The following ATRNL1 variants were observed in gnomAD, a reference collection of about 807,000 sequenced individuals.
ATRNL1 encodes attractin like 1.
ATRNL1 carries 95 observed loss-of-function variants against 182.7 expected under a neutral mutation model. The observed-to-expected ratio is 0.52, with a 90% CI of 0.44 to 0.62. The LOEUF is 0.62. ATRNL1 is among the 20% of genes least tolerant of loss of function. The pLI, the probability that ATRNL1 is intolerant of heterozygous loss-of-function variation, is 0.00. For missense variants in ATRNL1, 1,471 were observed against 1,679.5 expected (o/e 0.88, Z 2.17); for synonymous variants, 576 against 568.3 (o/e 1.01, Z -0.19).
At chr10:115,921,945 A>G (rs2134564544) in intron 28 of ATRNL1, among the ~76,000 whole-genome samples, 1 of 152,314 alleles carries the variant, frequency 6.6e-6, no homozygotes, top group East Asian at 1.9e-4. Flanking sequence ...ATGACTGAAA[A>G]TGTTTCTTAA....
chr10:115,813,880 C>T (rs1476362768), intron 27 of ATRNL1, among the ~76,000 whole-genome samples: 2 of 151,976 alleles, frequency 1.3e-5, no homozygotes, highest in Non-Finnish European at 2.9e-5. Context: ...TAAGTTTGTT[C>T]AGACATTCAT....
intron 25 of ATRNL1, 64 bp from the exon 26 acceptor site, chr10:115,549,394 C>T (rs1056203211): frequency 5.2e-5 from 61 of 1,181,670 alleles, no homozygotes; most frequent in Non-Finnish European, 7.0e-5. Flanking sequence ...CTTTCATGTA[C>T]TGTTTTTTCA....
intron 24 of ATRNL1, among the ~76,000 whole-genome samples, chr10:115,490,907 G>C (rs1554976431): frequency 1.3e-5 from 2 of 152,012 alleles, no homozygotes; most frequent in African/African-American, 2.4e-5. Flanking sequence ...CTTCAGATGG[G>C]GTCTCTGAGT....
At chr10:115,379,707 C>A (rs1250328903) in intron 19 of ATRNL1, among the ~76,000 whole-genome samples, 2 of 152,172 alleles carry the variant, frequency 1.3e-5, no homozygotes, top group Non-Finnish European at 2.9e-5. Context: ...TTATTCCCTG[C>A]AGCTCTCTGC....
intron 19 of ATRNL1, among the ~76,000 whole-genome samples, chr10:115,373,185 G>A (rs1250465485): frequency 6.6e-6 from 1 of 152,000 alleles, no homozygotes; most frequent in Non-Finnish European, 1.5e-5. Context: ...TTAGTGTATA[G>A]AAATGCTGCT....
At chr10:115,789,912 T>A (rs973281287) in intron 27 of ATRNL1, among the ~76,000 whole-genome samples, 5 of 152,048 alleles carry the variant, frequency 3.3e-5, no homozygotes, top group Admixed American at 2.6e-4. Flanking sequence ...AACCAAGAGG[T>A]TATTTTTTTT....
At chr10:115,242,540 T>C (rs1464006887) in intron 10 of ATRNL1, among the ~76,000 whole-genome samples, 1 of 152,024 alleles carries the variant, frequency 6.6e-6, no homozygotes, top group East Asian at 1.9e-4. Flanking sequence ...TATACCAATT[T>C]GAAGCGATTA....
chr10:115,173,939 A>G (rs1335349302), intron 8 of ATRNL1, among the ~76,000 whole-genome samples: 1 of 1,102 alleles, frequency 9.1e-4, no homozygotes, highest in Non-Finnish European at 1.8e-3. Flanking sequence ...CATGTCTTGT[A>G]TTTTCAAAAA....
intron 5 of ATRNL1, among the ~76,000 whole-genome samples, chr10:115,149,805 T>G (rs1183040798): frequency 1.3e-5 from 2 of 152,078 alleles, no homozygotes; most frequent in East Asian, 3.9e-4. Flanking sequence ...TTTTGTTACT[T>G]TAATATTTGG....
At position 115,774,731 on chromosome 10, in the gene ATRNL1, A is replaced by C. The variant is rs1593198608; in HGVS notation, c.3903+47376A>C. ...TCATCTTTTGTTGACACAGCACTAT[A>C]ATTAGTATCACATAATTCCTACCAC... On this transcript the variant is annotated intron_variant, in intron 27 of 28. Coordinates refer to ENST00000355044, the MANE Select transcript of ATRNL1 (RefSeq NM_207303.4). 2.0e-5 allele frequency among the ~76,000 whole-genome samples: 3 copies of C among 152,280 alleles called. No individual in the cohort carries two copies. The East Asian group carries it at 5.8e-4, about 29-fold the overall frequency.
chr10:115,424,750 G>A (rs567832460), intron 20 of ATRNL1, among the ~76,000 whole-genome samples: 1 of 152,082 alleles, frequency 6.6e-6, no homozygotes, highest in African/African-American at 2.4e-5. Flanking sequence ...GAGTAGAATT[G>A]TGGTTATGAG....
chr10:115,699,361 A>G (rs929089846), intron 26 of ATRNL1, among the ~76,000 whole-genome samples: 2 of 152,204 alleles, frequency 1.3e-5, no homozygotes, highest in Non-Finnish European at 2.9e-5. Context: ...ATAAGATTAG[A>G]TGACTTGCCT....
chr10:115,227,379 A>AT, intron 9 of ATRNL1, among the ~76,000 whole-genome samples: 1 of 152,128 alleles, frequency 6.6e-6, no homozygotes. Flanking sequence ...CAGAATGGCT[A>AT]TTTTTAAAAA....
At chr10:115,535,618 A>T (rs1206650630) in intron 25 of ATRNL1, among the ~76,000 whole-genome samples, 1 of 152,222 alleles carries the variant, frequency 6.6e-6, no homozygotes, top group Non-Finnish European at 1.5e-5. Context: ...CATCAGAGTC[A>T]TTCTCCGTCC....
chr10:115,524,331 T>G (rs1554986023), intron 25 of ATRNL1, among the ~76,000 whole-genome samples: 1 of 152,172 alleles, frequency 6.6e-6, no homozygotes, highest in Non-Finnish European at 1.5e-5. Context: ...TATATTGAAC[T>G]AAAGGTTTTT....
intron 26 of ATRNL1, among the ~76,000 whole-genome samples, chr10:115,658,377 A>G (rs1860469918): frequency 6.6e-6 from 1 of 151,896 alleles, no homozygotes; most frequent in South Asian, 2.1e-4. Context: ...TTTTGTATTT[A>G]GGGGTCTCTT....
At chr10:115,706,749 A>G (rs1946912021) in intron 26 of ATRNL1, among the ~76,000 whole-genome samples, 1 of 151,934 alleles carries the variant, frequency 6.6e-6, no homozygotes, top group South Asian at 2.1e-4. Flanking sequence ...AAATATGCCA[A>G]TTTAAAGTCA....
intron 1 of ATRNL1, among the ~76,000 whole-genome samples, chr10:115,119,914 C>A (rs1025477677): frequency 1.6e-4 from 24 of 152,020 alleles, no homozygotes; most frequent in African/African-American, 5.8e-4. Context: ...TCCTTCAGTA[C>A]TATGTTCAGT....
chr10:115,740,287 C>T (rs558520807), intron 27 of ATRNL1, among the ~76,000 whole-genome samples: 1 of 152,204 alleles, frequency 6.6e-6, no homozygotes, highest in South Asian at 2.1e-4. Context: ...CTTATATTCA[C>T]ACTTGATAAT....
Sources: gnomAD v4.1 joint callset for allele counts (sites outside exome capture counted in the v4.1 genomes callset) on GRCh38, gnomAD v4.1.1 for gene constraint, MANE v1.5 for transcripts, NCBI Gene and HGNC (gene_info 2026-07-23, HGNC 2026-07-21) for gene names.